DLG2: variants seen among roughly 807,000 people sequenced by gnomAD.
DLG2 encodes the protein disks large homolog 2.
In DLG2, 45 loss-of-function variants were observed where a neutral mutation model predicts 132.5. The ratio of observed to expected loss-of-function variants is 0.34; its 90% CI spans 0.27 to 0.44. The LOEUF is 0.44. Among genes scored for constraint, DLG2 ranks in the 20% least tolerant of loss-of-function variants. The pLI, the probability that DLG2 is intolerant of heterozygous loss-of-function variation, is 1.00. For synonymous variants in DLG2, 424 were observed against 419.6 expected (o/e 1.01, Z -0.13); for missense variants, 1,045 against 1,196.9 (o/e 0.87, Z 1.87).
In DLG2 at chr11:83,651,969, A is replaced by G. The variant is rs1427893137; in HGVS notation, c.1826-18644T>C. On this transcript the variant is annotated intron_variant, in intron 18 of 27. Transcript: ENST00000376104. ...AAGAAACAAATCACCTGAAATCTAC[A>G]CACTTAAATTCAGCCTGTGTTGGTC... 6 of 450,698 alleles carry G rather than the reference A, an allele frequency of 1.3e-5. No individual in the cohort carries two copies. The East Asian group carries it at 3.5e-4, about 26-fold the overall frequency. 27.9% of individuals were successfully genotyped at this position (450,698 alleles called of 1,614,324 possible). A position where few individuals can be genotyped will look rare whatever the true frequency, so the allele number is the denominator to read the frequency against.
chr11:84,462,338 A>C (rs1431982583), intron 7 of DLG2, among the ~76,000 whole-genome samples: 1 of 151,026 alleles, frequency 6.6e-6, no homozygotes, highest in Non-Finnish European at 1.5e-5. Flanking sequence ...GACTATATAT[A>C]CTAACATTTT....
intron 8 of DLG2, among the ~76,000 whole-genome samples, chr11:84,217,998 T>C (rs1449929790): frequency 6.6e-6 from 1 of 151,970 alleles, no homozygotes; most frequent in Non-Finnish European, 1.5e-5. Flanking sequence ...TGAAATCCCA[T>C]TTCTAATAAA....
intron 21 of DLG2, among the ~76,000 whole-genome samples, chr11:83,485,933 G>T (rs2093472376): frequency 6.6e-6 from 1 of 152,036 alleles, no homozygotes; most frequent in East Asian, 1.9e-4. Context: ...CATTAATAAG[G>T]TTTTATGAAA....
chr11:84,281,748 T>C (rs2097857122), intron 7 of DLG2, among the ~76,000 whole-genome samples: 1 of 152,016 alleles, frequency 6.6e-6, no homozygotes, highest in Non-Finnish European at 1.5e-5. Flanking sequence ...AGGTATCAAA[T>C]AAGCATCTGA....
At chr11:84,151,299 A>C (rs1382788000) in intron 9 of DLG2, among the ~76,000 whole-genome samples, 1 of 151,920 alleles carries the variant, frequency 6.6e-6, no homozygotes, top group Admixed American at 6.6e-5. Flanking sequence ...TGTTTCCAGA[A>C]ATTTCTCCAT....
intron 18 of DLG2, among the ~76,000 whole-genome samples, chr11:83,725,738 C>A (rs563824555): frequency 1.3e-5 from 2 of 152,308 alleles, no homozygotes; most frequent in Admixed American, 6.5e-5. Context: ...TTTCCAGGTA[C>A]GCTTAAGGAC....
At chr11:85,286,040 A>G in intron 3 of DLG2, 1 of 414,632 alleles carries the variant, frequency 2.4e-6, no homozygotes, top group Admixed American at 3.2e-5. Context: ...ATGTAACTGT[A>G]TTACAAATGT....
At chr11:85,039,247 T>C (rs1229113852) in intron 6 of DLG2, among the ~76,000 whole-genome samples, 3 of 106,334 alleles carry the variant, frequency 2.8e-5, no homozygotes, top group Non-Finnish European at 3.9e-5. Context: ...TTTAGAGACA[T>C]TCAGTCTCTA....
At chr11:85,458,108 A>C (rs1276721840) in intron 3 of DLG2, among the ~76,000 whole-genome samples, 1 of 151,906 alleles carries the variant, frequency 6.6e-6, no homozygotes, top group East Asian at 1.9e-4. Flanking sequence ...ATAATCCCAT[A>C]TTTCTTGGAG....
intron 7 of DLG2, among the ~76,000 whole-genome samples, chr11:84,268,460 C>CTTT (rs145806678): frequency 3.4e-4 from 41 of 119,226 alleles, no homozygotes; most frequent in African/African-American, 1.3e-3. Context: ...TACTTCACCT[C>CTTT]TTTTTTTTTT....
intron 18 of DLG2, among the ~76,000 whole-genome samples, chr11:83,699,800 T>C (rs2082575453): frequency 6.6e-6 from 1 of 150,622 alleles, no homozygotes; most frequent in Non-Finnish European, 1.5e-5. Context: ...TATATAAGAA[T>C]GGGGCTAAAA....
At chr11:85,150,699 AGTGTGTGTGTGTGTGTGTGTGTGT>A (rs71036459) in intron 5 of DLG2, among the ~76,000 whole-genome samples, 5 of 127,348 alleles carry the variant, frequency 3.9e-5, no homozygotes, top group East Asian at 4.8e-4. Flanking sequence ...AAGGCTACAT[AGTGTGTGTGTGTGTGTGTGTGTGT>A]GTGTGTGTGT....
At chr11:84,512,134 C>T (rs888328663) in intron 7 of DLG2, among the ~76,000 whole-genome samples, 3 of 152,114 alleles carry the variant, frequency 2.0e-5, no homozygotes, top group Admixed American at 6.6e-5. Flanking sequence ...ATATAAGCAA[C>T]AGACCACATG....
intron 18 of DLG2, among the ~76,000 whole-genome samples, chr11:83,676,694 A>T (rs1409169053): frequency 6.6e-6 from 1 of 152,194 alleles, no homozygotes; most frequent in Non-Finnish European, 1.5e-5. Context: ...AATACTTCCA[A>T]CAATGCATTC....
At chr11:84,578,394 G>T (rs1158669759) in intron 6 of DLG2, among the ~76,000 whole-genome samples, 1 of 152,152 alleles carries the variant, frequency 6.6e-6, no homozygotes, top group Non-Finnish European at 1.5e-5. Context: ...GATGGAGGTT[G>T]TACCCTGCAA....
Position 84,551,350 on chromosome 11 carries a change from G to A in DLG2, c.358-16619C>T, listed in dbSNP as rs2099401487. On this transcript the variant is annotated intron_variant, in intron 6 of 27. Transcript: ENST00000376104. ...TTAATATGCAACTTAATGTGCAATT[G>A]TAGAATGTTATTTTGTGCTTACTAT... Among the ~76,000 whole-genome samples, 3 of 152,242 alleles carry A rather than the reference G, an allele frequency of 2.0e-5. No individual in the cohort carries two copies. The South Asian group carries it at 6.2e-4, about 32-fold the overall frequency.
chr11:84,952,511 C>T (rs1269351422), intron 6 of DLG2, among the ~76,000 whole-genome samples: 3 of 149,432 alleles, frequency 2.0e-5, no homozygotes, highest in African/African-American at 4.9e-5. Flanking sequence ...AACGAGACTC[C>T]GTCTCAAAAA....
intron 7 of DLG2, among the ~76,000 whole-genome samples, chr11:84,331,458 A>T (rs10792753): frequency 0.59 from 81,619 of 137,668 alleles, 24,244 homozygotes; most frequent in African/African-American, 0.64. Context: ...AAAAAAAAAA[A>T]AAATAAATAA....
intron 9 of DLG2, among the ~76,000 whole-genome samples, chr11:84,099,820 GAT>G (rs765798428): frequency 1.8e-5 from 2 of 113,708 alleles, no homozygotes; most frequent in South Asian, 2.5e-4. Context: ...TATCTAAAGA[GAT>G]ATATATATCT....
Sources: gnomAD v4.1 joint callset for allele counts (sites outside exome capture counted in the v4.1 genomes callset) on GRCh38, gnomAD v4.1.1 for gene constraint, MANE v1.5 for transcripts, NCBI Gene and HGNC (gene_info 2026-07-23, HGNC 2026-07-21) for gene names.